The following KCNH5 variants were observed in gnomAD, a reference collection of about 807,000 sequenced individuals.
KCNH5 encodes voltage-gated delayed rectifier potassium channel KCNH5.
Under a neutral mutation model 96.1 loss-of-function variants are expected in KCNH5, and 46 were observed. The ratio of observed to expected loss-of-function variants is 0.48; its 90% CI spans 0.38 to 0.61. The LOEUF (loss-of-function observed/expected upper bound fraction) is 0.61. Ranked by LOEUF, KCNH5 falls within the 20% of genes least tolerant of loss-of-function variation. KCNH5 has a pLI of 0.00. For missense variants in KCNH5, 907 were observed against 1,225.8 expected, an observed-to-expected ratio of 0.74 and a Z score of 3.88; for synonymous variants, 439 against 449.8, an observed-to-expected ratio of 0.98 and a Z score of 0.30.
At chr14:62,752,172 GTA>G (rs1457019566) in intron 10 of KCNH5, among the ~76,000 whole-genome samples, 1 of 152,090 alleles carries the variant, frequency 6.6e-6, no homozygotes, top group Admixed American at 6.6e-5. Context: ...GCCTGATAGT[GTA>G]TATTATGGTT....
At chr14:62,830,988 C>T (rs889569616) in intron 8 of KCNH5, among the ~76,000 whole-genome samples, 4 of 152,128 alleles carry the variant, frequency 2.6e-5, no homozygotes, top group African/African-American at 9.7e-5. Context: ...TCCTTATCCC[C>T]AGAAGTGTGG....
At chr14:62,720,483 TGAGGCAG>T (rs1884785295) in intron 10 of KCNH5, among the ~76,000 whole-genome samples, 2 of 152,140 alleles carry the variant, frequency 1.3e-5, no homozygotes, top group African/African-American at 4.8e-5. Flanking sequence ...CTCGGGAGGC[TGAGGCAG>T]GAGAATGGCG....
At chr14:62,813,865 AAGC>A (rs1886920517) in intron 8 of KCNH5, among the ~76,000 whole-genome samples, 1 of 152,176 alleles carries the variant, frequency 6.6e-6, no homozygotes, top group East Asian at 1.9e-4. Context: ...GAAGAAAAGA[AAGC>A]TCACCTTTAT....
chr14:62,998,414 T>A (rs930471612), intron 4 of KCNH5, among the ~76,000 whole-genome samples: 25 of 152,214 alleles, frequency 1.6e-4, no homozygotes, highest in Non-Finnish European at 3.5e-4. Flanking sequence ...GCTTTGGGTT[T>A]TTGTGATTTT....
chr14:62,944,255 A>G (rs1201544407), intron 7 of KCNH5, among the ~76,000 whole-genome samples: 2 of 152,136 alleles, frequency 1.3e-5, no homozygotes, highest in Non-Finnish European at 2.9e-5. Flanking sequence ...TAAATTTTGG[A>G]TGACTTTCTC....
At chr14:62,841,978 C>G (rs574151387) in intron 8 of KCNH5, among the ~76,000 whole-genome samples, 51 of 152,258 alleles carry the variant, frequency 3.3e-4, no homozygotes, top group African/African-American at 1.0e-3. Flanking sequence ...AAGCTAGTAT[C>G]AGAGTGATGA....
At position 62,930,502 on chromosome 14, in the gene KCNH5, C is replaced by T. The variant is rs147259960; in HGVS notation, c.1369+19631G>A. On this transcript the variant is annotated intron_variant, in intron 7 of 10. Transcript: ENST00000322893. Reference sequence around the variant, plus strand: ...ACAATGTTCATAAGATACAGCTTCACAAGCATCCCAGTGATTTAAACTGAA... The same window carrying T: ...ACAATGTTCATAAGATACAGCTTCATAAGCATCCCAGTGATTTAAACTGAA... Among the ~76,000 whole-genome samples, 45 of 152,278 alleles carry T rather than the reference C, an allele frequency of 3.0e-4. No individual in the cohort carries two copies. In the East Asian group the frequency reaches 8.5e-3, roughly 29 times the overall value.
chr14:62,832,373 T>C (rs1487824436), intron 8 of KCNH5, among the ~76,000 whole-genome samples: 2 of 152,164 alleles, frequency 1.3e-5, no homozygotes, highest in Non-Finnish European at 1.5e-5. Context: ...TGTCCTTTAA[T>C]GATTGGTTTA....
At chr14:62,931,008 G>A (rs1889570535) in intron 7 of KCNH5, among the ~76,000 whole-genome samples, 1 of 152,110 alleles carries the variant, frequency 6.6e-6, no homozygotes, top group Non-Finnish European at 1.5e-5. Context: ...ATATATTTAA[G>A]GGATTGGAGA....
At chr14:62,712,774 C>G (rs1336858393) in intron 10 of KCNH5, 11 of 749,930 alleles carry the variant, frequency 1.5e-5, no homozygotes, top group Admixed American at 3.7e-5. Flanking sequence ...AAGCGGTAGC[C>G]TAGACCTTGA....
chr14:62,790,299 T>C (rs1212161808), intron 9 of KCNH5, among the ~76,000 whole-genome samples: 1 of 151,928 alleles, frequency 6.6e-6, no homozygotes, highest in Non-Finnish European at 1.5e-5. Flanking sequence ...TTTTAATTAC[T>C]AGACATTTGT....
intron 7 of KCNH5, among the ~76,000 whole-genome samples, chr14:62,945,852 T>TG (rs1427492835): frequency 2.0e-5 from 3 of 152,120 alleles, no homozygotes; most frequent in African/African-American, 4.8e-5. Flanking sequence ...ATGGTGAGCA[T>TG]GGACTTAGGA....
At position 62,854,184 on chromosome 14, in the gene KCNH5, T is replaced by C. The variant is rs886085586; in HGVS notation, c.1370-4332A>G. Among the ~76,000 whole-genome samples, 4 of 152,052 alleles carry C rather than the reference T, an allele frequency of 2.6e-5. No individual in the cohort carries two copies. The South Asian group carries it at 8.3e-4, about 31-fold the overall frequency. The stretch of plus-strand genomic sequence containing the variant: ...ACTTATTTATTTATTTATTTATTCA[T>C]TTATTATCCATCTTTTCCCCTAGGA... On this transcript the variant is annotated intron_variant, in intron 7 of 10. Transcript: ENST00000322893.
rs762851896 is a variant in KCNH5, at chr14:62,700,108, T to C, written c.*7400A>G. ...CATTAGTGTTATAGTAGAATTTACA[T>C]TGTAGTATACAAAATGCCACAACTA... On this transcript the variant is annotated 3_prime_UTR_variant, in exon 11 of 11. Coordinates refer to ENST00000322893, the MANE Select transcript of KCNH5 (RefSeq NM_139318.5). 2.0e-5 allele frequency: 3 copies of C among 152,196 alleles called. No homozygotes were observed. The highest frequency in any genetic ancestry group is 1.9e-4 in the East Asian group (1 of 5,204). The allele number at this position is 152,196 out of a possible 1,614,324, so 9.4% of individuals were successfully genotyped here. A position where few individuals can be genotyped will look rare whatever the true frequency, so the allele number is the denominator to read the frequency against.
At chr14:62,826,065 C>A (rs189250721) in intron 8 of KCNH5, among the ~76,000 whole-genome samples, 1 of 152,166 alleles carries the variant, frequency 6.6e-6, no homozygotes, top group Admixed American at 6.6e-5. Context: ...TTACCTACAT[C>A]CATTCTTATT....
At chr14:62,878,211 G>GGC (rs1555361471) in intron 7 of KCNH5, among the ~76,000 whole-genome samples, 5 of 148,914 alleles carry the variant, frequency 3.4e-5, no homozygotes, top group African/African-American at 1.0e-4. Context: ...TGGGGGGGGG[G>GGC]GCGGAGGGAT....
At chr14:63,037,108 T>C (rs1404408352) in intron 1 of KCNH5, among the ~76,000 whole-genome samples, 2 of 152,160 alleles carry the variant, frequency 1.3e-5, no homozygotes, top group African/African-American at 2.4e-5. Flanking sequence ...ATATAATGCT[T>C]ATTTATGTGC....
At chr14:62,943,176 C>A (rs572790434) in intron 7 of KCNH5, among the ~76,000 whole-genome samples, 1 of 152,096 alleles carries the variant, frequency 6.6e-6, no homozygotes, top group South Asian at 2.1e-4. Flanking sequence ...ATGAAATATG[C>A]AGATGTAGAG....
intron 7 of KCNH5, among the ~76,000 whole-genome samples, chr14:62,931,307 A>G (rs1889576854): frequency 6.6e-6 from 1 of 152,278 alleles, no homozygotes; most frequent in Non-Finnish European, 1.5e-5. Context: ...GAAAGTTTTG[A>G]TCAAGAGCTA....
Sources: gnomAD v4.1 joint callset for allele counts (sites outside exome capture counted in the v4.1 genomes callset) on GRCh38, gnomAD v4.1.1 for gene constraint, MANE v1.5 for transcripts, NCBI Gene and HGNC (gene_info 2026-07-23, HGNC 2026-07-21) for gene names.